The following FRMD3 variants were observed in gnomAD, a reference collection of about 807,000 sequenced individuals.
FRMD3 encodes FERM domain-containing protein 3.
A neutral mutation model predicts 70.2 loss-of-function variants in FRMD3; 33 were observed. The observed-to-expected ratio is 0.47, with a 90% confidence interval of 0.36 to 0.63. FRMD3 has a LOEUF of 0.63. Ranked by LOEUF, FRMD3 falls within the 20% of genes least tolerant of loss-of-function variation. FRMD3 has a pLI of 0.00. For missense variants in FRMD3, 632 were observed against 711.4 expected, an observed-to-expected ratio of 0.89 and a Z score of 1.27; for synonymous variants, 279 against 255.9, an observed-to-expected ratio of 1.09 and a Z score of -0.86.
chr9:83,507,683 T>TATAC (rs752921924), intron 1 of FRMD3, among the ~76,000 whole-genome samples: 9 of 30,650 alleles, frequency 2.9e-4, no homozygotes, highest in South Asian at 2.3e-3. Flanking sequence ...CAAAAAAAAA[T>TATAC]ATACATACAT....
the FRMD3 span, among the ~76,000 whole-genome samples, chr9:83,555,930 T>C: frequency 1.3e-5 from 2 of 152,220 alleles, no homozygotes; most frequent in Admixed American, 1.3e-4. Flanking sequence ...ATTCACTTCT[T>C]GGTCTAGGGA....
chr9:83,340,297 G>A (rs1010068584), intron 5 of FRMD3, among the ~76,000 whole-genome samples: 2 of 152,160 alleles, frequency 1.3e-5, no homozygotes, highest in Admixed American at 6.5e-5. Context: ...GACACAGGAA[G>A]AGTGCTGTGA....
chr9:83,331,373 C>A (rs1836256555), intron 6 of FRMD3, among the ~76,000 whole-genome samples: 1 of 152,054 alleles, frequency 6.6e-6, no homozygotes, highest in Non-Finnish European at 1.5e-5. Context: ...TGTATGATTC[C>A]AACTATGACA....
chr9:83,371,393 T>G (rs1824967529), intron 3 of FRMD3, among the ~76,000 whole-genome samples: 1 of 152,058 alleles, frequency 6.6e-6, no homozygotes, highest in Non-Finnish European at 1.5e-5. Context: ...CTCTGCTCAC[T>G]GCAACCTCTA....
chr9:83,336,618 A>G (rs1040274773), intron 5 of FRMD3, among the ~76,000 whole-genome samples: 6 of 148,166 alleles, frequency 4.0e-5, no homozygotes, highest in Admixed American at 2.7e-4. Context: ...ACAGAAGAGC[A>G]TACTAGATTA....
chr9:83,269,720 G>A (rs1833461839), intron 13 of FRMD3, among the ~76,000 whole-genome samples: 1 of 151,810 alleles, frequency 6.6e-6, no homozygotes, highest in South Asian at 2.1e-4. Flanking sequence ...AAAAACAAAA[G>A]TATTATTATT....
At chr9:83,544,544 T>C in the FRMD3 span, among the ~76,000 whole-genome samples, 1 of 152,170 alleles carries the variant, frequency 6.6e-6, no homozygotes, top group Non-Finnish European at 1.5e-5. Flanking sequence ...TATATACCCA[T>C]CTGCGTCTGC....
chr9:83,247,728 A>T lies in FRMD3; in HGVS notation c.*190T>A. ...AGACCATCTTCCTAACCTGTAACTA[A>T]AATAACTGTATTTGATTTAAACTTA... is the stretch of plus-strand genomic sequence containing the variant. On this transcript the variant is annotated 3_prime_UTR_variant, in exon 14 of 14. Transcript: ENST00000304195. The T allele has an allele frequency of 7.0e-7, 1 of 1,434,242 alleles. No homozygotes were observed. The allele number at this position is 1,434,242 out of a possible 1,614,324, so 88.8% of individuals were successfully genotyped here. A position where few individuals can be genotyped will look rare whatever the true frequency, so the allele number is the denominator to read the frequency against.
the FRMD3 span, among the ~76,000 whole-genome samples, chr9:83,544,575 A>C: frequency 6.6e-6 from 1 of 152,240 alleles, no homozygotes; most frequent in Non-Finnish European, 1.5e-5. Context: ...CTTACCTTCA[A>C]GTGCCACCTA....
intron 6 of FRMD3, among the ~76,000 whole-genome samples, chr9:83,332,846 G>A (rs1823437088): frequency 1.3e-5 from 2 of 152,208 alleles, no homozygotes; most frequent in African/African-American, 4.8e-5. Context: ...AGGGTCACGG[G>A]TGTTGTGGTG....
At chr9:83,466,831 G>C (rs774135862) in intron 1 of FRMD3, among the ~76,000 whole-genome samples, 1 of 152,164 alleles carries the variant, frequency 6.6e-6, no homozygotes, top group Non-Finnish European at 1.5e-5. Context: ...ACTACAAAAG[G>C]TCCAGTTGCT....
intron 1 of FRMD3, among the ~76,000 whole-genome samples, chr9:83,414,025 T>G (rs546238978): frequency 1.3e-5 from 2 of 152,238 alleles, no homozygotes; most frequent in East Asian, 3.9e-4. Context: ...TCCAGAAAGC[T>G]TAGAGTTAAC....
intron 5 of FRMD3, among the ~76,000 whole-genome samples, chr9:83,337,585 G>A (rs1018495569): frequency 6.6e-6 from 1 of 152,154 alleles, no homozygotes; most frequent in Non-Finnish European, 1.5e-5. Flanking sequence ...TGGCCCAGGA[G>A]AGTAGACTAA....
chr9:83,508,368 A>G (rs1439155970), intron 1 of FRMD3, among the ~76,000 whole-genome samples: 1 of 152,220 alleles, frequency 6.6e-6, no homozygotes, highest in African/African-American at 2.4e-5. Flanking sequence ...TTATAAAAAC[A>G]TCATGCTGTA....
chr9:83,556,166 TC>T, the FRMD3 span, among the ~76,000 whole-genome samples: 1 of 151,952 alleles, frequency 6.6e-6, no homozygotes, highest in South Asian at 2.1e-4. Context: ...ATTTCTTTGT[TC>T]CCTCTCCACT....
chr9:83,578,029 G>A, the FRMD3 span, among the ~76,000 whole-genome samples: 874 of 151,850 alleles, frequency 5.8e-3, 15 homozygotes, highest in African/African-American at 0.02. Flanking sequence ...AAGGATCAAA[G>A]AAAATTACTG....
the FRMD3 span, among the ~76,000 whole-genome samples, chr9:83,556,665 A>T: frequency 1.3e-5 from 2 of 152,080 alleles, no homozygotes; most frequent in African/African-American, 2.4e-5. Flanking sequence ...CAATTAGCCA[A>T]TTTTAGATTC....
At chr9:83,545,944 T>G in the FRMD3 span, among the ~76,000 whole-genome samples, 1 of 151,380 alleles carries the variant, frequency 6.6e-6, no homozygotes, top group South Asian at 2.1e-4. Context: ...AGAATCCTAA[T>G]AGCAGCAAGA....
At chr9:83,517,199 G>T (rs1204324948) in intron 1 of FRMD3, among the ~76,000 whole-genome samples, 1 of 151,982 alleles carries the variant, frequency 6.6e-6, no homozygotes, top group Non-Finnish European at 1.5e-5. Context: ...TTTTTGGAAA[G>T]ATCAACAAAA....
Sources: gnomAD v4.1 joint callset for allele counts (sites outside exome capture counted in the v4.1 genomes callset) on GRCh38, gnomAD v4.1.1 for gene constraint, MANE v1.5 for transcripts, NCBI Gene and HGNC (gene_info 2026-07-23, HGNC 2026-07-21) for gene names.